Variants in SLC4A7 observed in about 807,000 individuals in gnomAD.
The protein encoded by SLC4A7 is sodium bicarbonate cotransporter 3.
In SLC4A7, 51 loss-of-function variants were observed where a neutral mutation model predicts 137.6. The ratio of observed to expected loss-of-function variants is 0.37; its 90% CI spans 0.30 to 0.47. The LOEUF is 0.47. Among genes scored for constraint, SLC4A7 ranks in the 20% least tolerant of loss-of-function variants. SLC4A7 has a pLI of 1.00. For missense variants in SLC4A7, 1,247 were observed against 1,525.4 expected (o/e 0.82, Z 3.04); for synonymous variants, 542 against 518.6 (o/e 1.05, Z -0.61).
At chr3:27,466,710 A>G (rs2150674628) in intron 1 of SLC4A7, among the ~76,000 whole-genome samples, 1 of 152,018 alleles carries the variant, frequency 6.6e-6, no homozygotes, top group East Asian at 2.0e-4. Context: ...TACCAAAATT[A>G]GCCCCGCGTG....
chr3:27,420,882 G>C (rs538745215), intron 9 of SLC4A7, 95 bp from the exon 10 acceptor site: 109 of 783,468 alleles, frequency 1.4e-4, no homozygotes, highest in Non-Finnish European at 2.2e-4. Flanking sequence ...TATAAACAAA[G>C]AAACAACACT....
In SLC4A7 at chr3:27,434,114, G is replaced by GA. The variant is rs746680497; in HGVS notation, c.590-11dup. On this transcript the variant is annotated splice_polypyrimidine_tract_variant and intron_variant, in intron 5 of 25. Coordinates refer to ENST00000454389, the MANE Select transcript of SLC4A7 (RefSeq NM_001321103.2). ...TTGTCTAATACCATATCTATTCAATGAAAAAAAAAATAAATTACTAAACAC... is the reference window on the plus strand; with the variant it reads ...TTGTCTAATACCATATCTATTCAATGAAAAAAAAAAATAAATTACTAAACAC... 5,092 of 1,414,246 alleles carry GA rather than the reference G, an allele frequency of 3.6e-3. No homozygotes were observed. Among genetic ancestry groups the GA allele is most frequent in the South Asian group, 4.3e-3 (304 of 71,158 alleles). 87.6% of individuals were successfully genotyped at this position (1,414,246 alleles called of 1,614,324 possible). A position where few individuals can be genotyped will look rare whatever the true frequency, so the allele number is the denominator to read the frequency against.
rs1376892467 is a variant in SLC4A7 at position 27,373,814 on chromosome 3, C to G, written c.*2950G>C. The G allele has an allele frequency of 6.6e-6, 1 of 152,538 alleles. No individual in the cohort carries two copies. Among genetic ancestry groups the G allele is most frequent in the African/African-American group, 2.4e-5 (1 of 41,448 alleles). 9.4% of individuals were successfully genotyped at this position (152,538 alleles called of 1,614,324 possible). On this transcript the variant is annotated 3_prime_UTR_variant, in exon 26 of 26. Transcript: ENST00000454389. ...AAACAAGTTAATTTTGAGTGGTAAA[C>G]AAATCTGGTTTACAAATACATGCAT...
chr3:27,412,783 A>C (rs2054031739), intron 11 of SLC4A7, among the ~76,000 whole-genome samples: 1 of 152,174 alleles, frequency 6.6e-6, no homozygotes, highest in Admixed American at 6.5e-5. Context: ...ATAATGGCCA[A>C]AGCCACAATT....
At chr3:27,410,012 C>T (rs1225090296) in intron 12 of SLC4A7, among the ~76,000 whole-genome samples, 1 of 152,120 alleles carries the variant, frequency 6.6e-6, no homozygotes, top group African/African-American at 2.4e-5. Context: ...GGTATGAATT[C>T]AGTAACTTTA....
Position 27,443,733 on chromosome 3 carries a change from C to G in SLC4A7, c.289+4918G>C, listed in dbSNP as rs1576497576. 3.9e-5 allele frequency among the ~76,000 whole-genome samples: 6 copies of G among 152,164 alleles called. No homozygotes were observed. The East Asian group carries it at 1.2e-3, about 29-fold the overall frequency. ...ACTCTGCACAGTACCATGCATGAAT[C>G]CTGTACATACCAGAACTGTCCTTAC... On this transcript the variant is annotated intron_variant, in intron 3 of 25. Coordinates refer to ENST00000454389, the MANE Select transcript of SLC4A7 (RefSeq NM_001321103.2).
chr3:27,379,292 A>T lies in SLC4A7; in HGVS notation c.3655T>A (p.Ser1219Thr). The change falls in exon 25 of 26, where the codon TCC becomes ACC. Residue 1219 changes from serine (S) to threonine (T), a missense_variant. Physicochemically the swap from Ser to Thr is moderately conservative, Grantham distance 58. Transcript: ENST00000454389. ...ACTTTGGCATTCTCAGTATTCATGG[A>T]AAGTGCCTTCCACTGTGCAGTTTTG... is the stretch of plus-strand genomic sequence containing the variant. ...MAKTAQWKALSMNTENAKVTR... is the reference protein window; with the variant it reads ...MAKTAQWKALTMNTENAKVTR... 6.5e-7 allele frequency: 1 copy of T among 1,535,714 alleles called. No homozygotes were observed. The highest frequency in any genetic ancestry group is 8.7e-7 in the Non-Finnish European group (1 of 1,146,394).
intron 18 of SLC4A7, among the ~76,000 whole-genome samples, chr3:27,397,297 C>T (rs888209017): frequency 6.6e-6 from 1 of 152,154 alleles, no homozygotes; most frequent in South Asian, 2.1e-4. Context: ...ATTACAGGCA[C>T]AAGCCACTGC....
In SLC4A7 at chr3:27,431,648, C is replaced by A; in HGVS notation, c.800G>T (p.Arg267Leu). The change falls in exon 7 of 26, where the codon CGC becomes CTC. Residue 267 changes from arginine to leucine, a missense_variant. By Grantham distance (102) the Arg-to-Leu change is moderately radical. This residue lies in a region of SLC4A7 where 223 missense variants were observed against 203.6 expected (regional missense o/e 1.10). Transcript: ENST00000454389. Reference sequence around the variant, plus strand: ...AGACAGACCTGTTCGCAAAGAGTGGCGGGAGGCTGAAAGGCCTTCCCCTGA... The same window carrying A: ...AGACAGACCTGTTCGCAAAGAGTGGAGGGAGGCTGAAAGGCCTTCCCCTGA... ...ERNGEGLSAS[R>L]HSLRTGLSAS... The A allele has an allele frequency of 6.3e-7, 1 of 1,579,494 alleles. No homozygotes were observed. Among genetic ancestry groups the A allele is most frequent in the Non-Finnish European group, 8.6e-7 (1 of 1,162,370 alleles).
At chr3:27,473,632 CG>C (rs1240252716) in intron 1 of SLC4A7, among the ~76,000 whole-genome samples, 3 of 139,126 alleles carry the variant, frequency 2.2e-5, no homozygotes, top group African/African-American at 5.5e-5. Flanking sequence ...TGTTTGAGCC[CG>C]GGGGGTGGAG....
At chr3:27,476,133 ATTAAGAT>A (rs1173013234) in intron 1 of SLC4A7, among the ~76,000 whole-genome samples, 1 of 152,214 alleles carries the variant, frequency 6.6e-6, no homozygotes, top group Non-Finnish European at 1.5e-5. Flanking sequence ...TTACACAAGT[ATTAAGAT>A]TTAAGTAAAA....
chr3:27,384,238 G>C, intron 23 of SLC4A7, among the ~76,000 whole-genome samples: 1 of 152,250 alleles, frequency 6.6e-6, no homozygotes, highest in East Asian at 1.9e-4. Flanking sequence ...AAACTCAGTA[G>C]GATCATGAGG....
chr3:27,472,228 G>A (rs909575146), intron 1 of SLC4A7, among the ~76,000 whole-genome samples: 1 of 152,202 alleles, frequency 6.6e-6, no homozygotes, highest in Admixed American at 6.5e-5. Flanking sequence ...TAGCAAATAA[G>A]TTATATAAAA....
intron 3 of SLC4A7, among the ~76,000 whole-genome samples, chr3:27,445,851 GA>G (rs1238980963): frequency 7.3e-6 from 1 of 136,194 alleles, no homozygotes; most frequent in Admixed American, 7.9e-5. Flanking sequence ...AGAATTGCTT[GA>G]ACCTGGGAGG....
At position 27,403,349 on chromosome 3, in the gene SLC4A7, C is replaced by A; in HGVS notation, c.2111G>T (p.Ser704Ile). The A allele has an allele frequency of 6.2e-7, 1 of 1,604,474 alleles. No individual in the cohort carries two copies. Among genetic ancestry groups the A allele is most frequent in the Non-Finnish European group, 8.5e-7 (1 of 1,174,582 alleles). Reference sequence around the variant, plus strand: ...CAAAAAAGAAGTCCACAGACCAATACTGGTTCTTAAAGACAGATAAGAAAG... The same window carrying A: ...CAAAAAAGAAGTCCACAGACCAATAATGGTTCTTAAAGACAGATAAGAAAG... ...YQLSYLSLRT[S>I]IGLWTSFLCI... Residue 704 changes from serine (S) to isoleucine (I), a missense_variant, in exon 15 of 26, where the codon AGT becomes ATT. Coordinates refer to ENST00000454389, the MANE Select transcript of SLC4A7 (RefSeq NM_001321103.2).
At chr3:27,407,846 C>T (rs2053534170) in intron 13 of SLC4A7, among the ~76,000 whole-genome samples, 1 of 152,124 alleles carries the variant, frequency 6.6e-6, no homozygotes, top group South Asian at 2.1e-4. Flanking sequence ...TTGTTAACTT[C>T]CTCTATTCTA....
chr3:27,417,530 G>A (rs1250727662), intron 11 of SLC4A7, among the ~76,000 whole-genome samples: 1 of 152,124 alleles, frequency 6.6e-6, no homozygotes, highest in African/African-American at 2.4e-5. Flanking sequence ...GAAGCAAGAG[G>A]ATCACTAGAG....
chr3:27,455,562 A>G (rs112463342), intron 1 of SLC4A7, among the ~76,000 whole-genome samples: 1 of 148,886 alleles, frequency 6.7e-6, no homozygotes, highest in African/African-American at 2.5e-5. Flanking sequence ...CGTAACTTGC[A>G]TAACTAAATT....
At chr3:27,481,219 G>A (rs545612609) in intron 1 of SLC4A7, among the ~76,000 whole-genome samples, 1 of 151,896 alleles carries the variant, frequency 6.6e-6, no homozygotes, top group African/African-American at 2.4e-5. Context: ...TTACAATTAT[G>A]AGGCTTTATA....
Sources: gnomAD v4.1 joint callset for allele counts (sites outside exome capture counted in the v4.1 genomes callset) on GRCh38, gnomAD v4.1.1 for gene constraint, gnomAD v4.1.1 regional missense constraint, MANE v1.5 for transcripts, NCBI Gene and HGNC (gene_info 2026-07-23, HGNC 2026-07-21) for gene names.